Variants in GLUD1 observed in about 807,000 individuals in gnomAD.
GLUD1 encodes the protein glutamate dehydrogenase 1, also known as glutamate dehydrogenase 1, mitochondrial.
GLUD1 carries 22 observed loss-of-function variants against 56.0 expected under a neutral mutation model. The observed-to-expected ratio is 0.39, with a 90% confidence interval of 0.28 to 0.56. The LOEUF (loss-of-function observed/expected upper bound fraction) is 0.56. Ranked by LOEUF, GLUD1 falls within the 20% of genes least tolerant of loss-of-function variation. The pLI is 0.58. For synonymous variants in GLUD1, 223 were observed against 269.9 expected, an observed-to-expected ratio of 0.83 and a Z score of 1.70; for missense variants, 451 against 732.0, an observed-to-expected ratio of 0.62 and a Z score of 4.43.
At chr10:87,084,599 T>C (rs984419568) in intron 1 of GLUD1, among the ~76,000 whole-genome samples, 11 of 152,218 alleles carry the variant, frequency 7.2e-5, no homozygotes, top group African/African-American at 2.7e-4. Context: ...TTTTTTATAA[T>C]TAGTCATTAA....
intron 6 of GLUD1, chr10:87,061,341 G>A (rs1029721749): frequency 3.1e-5 from 16 of 511,898 alleles, no homozygotes; most frequent in Non-Finnish European, 5.6e-5. Flanking sequence ...TGGCCAACAT[G>A]GTGAAACCCC....
In GLUD1 at chr10:87,094,003, G is replaced by A; in HGVS notation, c.445+322C>T. 1 of 1,457,794 alleles carries A rather than the reference G, an allele frequency of 6.9e-7. No individual in the cohort carries two copies. Among genetic ancestry groups the A allele is most frequent in the Middle Eastern group, 1.8e-4 (1 of 5,608 alleles). The allele number at this position is 1,457,794 out of a possible 1,614,324, so 90.3% of individuals were successfully genotyped here. A position where few individuals can be genotyped will look rare whatever the true frequency, so the allele number is the denominator to read the frequency against. ...TTCCCTTTCCTAGAAGTGCATTTCG[G>A]CAGGACCCGCCGTGTGTGACACAGA... On this transcript the variant is annotated intron_variant, in intron 1 of 12. Coordinates refer to ENST00000277865, the MANE Select transcript of GLUD1 (RefSeq NM_005271.5). This position sits in a 1 kb window ranked among gnomAD's most constrained non-coding sequence, Gnocchi z 6.6.
intron 4 of GLUD1, among the ~76,000 whole-genome samples, chr10:87,068,688 G>A (rs1260322104): frequency 6.6e-6 from 1 of 152,118 alleles, no homozygotes; most frequent in Non-Finnish European, 1.5e-5. Flanking sequence ...ATTTTTACTT[G>A]TGGAAGAATG....
rs769151066 is a variant in GLUD1, at chr10:87,051,829, G to A, written c.1599C>T (p.Asp533=). 4 of 1,613,944 alleles carry A rather than the reference G, an allele frequency of 2.5e-6. No homozygotes were observed. Among genetic ancestry groups the A allele is most frequent in the African/African-American group, 1.3e-5 (1 of 75,048 alleles). Reference sequence around the variant, plus strand: ...CATTAACATAGGCAGCTGTTCTCAGGTCCAATCCCAGGTTATACTTCATGG... The same window carrying A: ...CATTAACATAGGCAGCTGTTCTCAGATCCAATCCCAGGTTATACTTCATGG... ...RTAMKYNLGL[D]LRTAAYVNAI... is the part of the protein sequence containing the mutation. Residue 533 remains aspartate, a synonymous_variant, in exon 13 of 13, where the codon GAC becomes GAT. Transcript: ENST00000277865.
chr10:87,082,571 C>T (rs1589380002), intron 1 of GLUD1, among the ~76,000 whole-genome samples: 1 of 152,278 alleles, frequency 6.6e-6, no homozygotes, highest in Middle Eastern at 3.4e-3. Flanking sequence ...AGCCCCAGAG[C>T]CAACAGAACA....
intron 6 of GLUD1, among the ~76,000 whole-genome samples, chr10:87,061,739 C>T (rs1257082509): frequency 6.6e-6 from 1 of 151,790 alleles, no homozygotes; most frequent in Non-Finnish European, 1.5e-5. Context: ...GCCTTAGTCT[C>T]CTGAGTAGTT....
At chr10:87,069,469 C>T (rs541259887) in intron 4 of GLUD1, among the ~76,000 whole-genome samples, 276 of 149,460 alleles carry the variant, frequency 1.8e-3, no homozygotes, top group Non-Finnish European at 3.4e-3. Context: ...GAGCCAAGAT[C>T]GCGCCAGTGC....
In GLUD1 at chr10:87,050,634, G is replaced by A. The variant is rs1326674150; in HGVS notation, c.*1117C>T. The A allele has an allele frequency of 6.6e-6, 1 of 151,814 alleles. No individual in the cohort carries two copies. The highest frequency in any genetic ancestry group is 1.5e-5 in the Non-Finnish European group (1 of 68,000). 9.4% of individuals were successfully genotyped at this position (151,814 alleles called of 1,614,324 possible). The stretch of plus-strand genomic sequence containing the variant: ...CATATATTATCTAGCACTTCATGGG[G>A]ACACTACTGTTCAAAAGGCCCTGGC... On this transcript the variant is annotated 3_prime_UTR_variant, in exon 13 of 13. Coordinates refer to ENST00000277865, the MANE Select transcript of GLUD1 (RefSeq NM_005271.5).
chr10:87,064,521 T>TAC (rs1846025007), intron 5 of GLUD1, among the ~76,000 whole-genome samples: 1 of 152,236 alleles, frequency 6.6e-6, no homozygotes, highest in African/African-American at 2.4e-5. Flanking sequence ...TAAAATGCCC[T>TAC]ACTTCACACC....
At chr10:87,093,978 T>C (rs1307531539) in intron 1 of GLUD1, 14 of 1,418,278 alleles carry the variant, frequency 9.9e-6, no homozygotes, top group African/African-American at 1.4e-5. Context: ...GGGCAGGTCA[T>C]TCCCTTTCCT....
intron 12 of GLUD1, among the ~76,000 whole-genome samples, chr10:87,052,793 C>T (rs937115556): frequency 4.6e-5 from 7 of 150,630 alleles, no homozygotes; most frequent in African/African-American, 1.5e-4. Context: ...GAATTTATAC[C>T]ACATACACCC....
chr10:87,083,020 C>T (rs1462074734), intron 1 of GLUD1, among the ~76,000 whole-genome samples: 1 of 152,106 alleles, frequency 6.6e-6, no homozygotes, highest in African/African-American at 2.4e-5. Flanking sequence ...CTGGGCAGAT[C>T]ACTTGAGGTC....
intron 4 of GLUD1, among the ~76,000 whole-genome samples, chr10:87,070,280 C>A (rs529225284): frequency 6.6e-6 from 1 of 151,898 alleles, no homozygotes; most frequent in South Asian, 2.1e-4. Context: ...TAGTGAGATC[C>A]TGTCTTGATT....
chr10:87,082,741 AAAAC>A (rs1317327886), intron 1 of GLUD1, among the ~76,000 whole-genome samples: 2 of 152,232 alleles, frequency 1.3e-5, no homozygotes, highest in Admixed American at 6.5e-5. Flanking sequence ...GGTAGTCTGA[AAAAC>A]AAAAAATTTT....
chr10:87,081,134 G>A (rs566319306), intron 1 of GLUD1, among the ~76,000 whole-genome samples: 6,604 of 137,280 alleles, frequency 0.048, 412 homozygotes, highest in African/African-American at 0.14. Flanking sequence ...CTGCCCGGCC[G>A]CCCCTACTGG....
chr10:87,073,185 T>C (rs1846286321), intron 4 of GLUD1, among the ~76,000 whole-genome samples: 1 of 152,216 alleles, frequency 6.6e-6, no homozygotes, highest in Non-Finnish European at 1.5e-5. Context: ...TCTCGTTTTG[T>C]TGCTCAGGCC....
At chr10:87,051,997 C>A in intron 12 of GLUD1, 127 bp from the exon 13 acceptor site, 10 of 999,850 alleles carry the variant, frequency 1.0e-5, no homozygotes, top group Non-Finnish European at 7.9e-6. Flanking sequence ...CTTGGGCAGC[C>A]AAAGACAAAC....
At chr10:87,086,239 C>T (rs1841379174) in intron 1 of GLUD1, among the ~76,000 whole-genome samples, 1 of 152,132 alleles carries the variant, frequency 6.6e-6, no homozygotes, top group Non-Finnish European at 1.5e-5. Flanking sequence ...ACCAGATCTT[C>T]TTTATTTTAA....
At chr10:87,080,377 G>A (rs1841189144) in intron 1 of GLUD1, among the ~76,000 whole-genome samples, 2 of 152,002 alleles carry the variant, frequency 1.3e-5, no homozygotes, top group African/African-American at 4.8e-5. Context: ...AGGAAGTGAG[G>A]AGTGTCTCTG....
Sources: gnomAD v4.1 joint callset for allele counts (sites outside exome capture counted in the v4.1 genomes callset) on GRCh38, gnomAD v4.1.1 for gene constraint, Gnocchi (gnomAD v3.1) non-coding constraint, MANE v1.5 for transcripts, NCBI Gene and HGNC (gene_info 2026-07-23, HGNC 2026-07-21) for gene names.